The following DDT variants were observed in gnomAD, a reference collection of about 807,000 sequenced individuals.
DDT encodes D-dopachrome tautomerase.
A neutral mutation model predicts 2.5 loss-of-function variants in DDT; 4 were observed. The ratio of observed to expected loss-of-function variants is 1.59; its 90% CI spans 0.78 to 3.63. The LOEUF (loss-of-function observed/expected upper bound fraction) is 3.63. Among genes scored for constraint, DDT ranks in the 30% most tolerant of loss-of-function variants. DDT has a pLI of 0.01. For synonymous variants in DDT, 11 were observed against 10.0 expected (o/e 1.10, Z -0.19); for missense variants, 32 against 30.0 (o/e 1.07, Z -0.15).
rs1273274220 is a variant in DDT, at chr22:23,972,293, A to G, written c.285-670T>C. 4.0e-5 allele frequency: 35 copies of G among 864,538 alleles called. No homozygotes were observed. In the East Asian group the frequency reaches 1.7e-3, roughly 41 times the overall value. The allele number at this position is 864,538 out of a possible 1,614,324, so 53.6% of individuals were successfully genotyped here. On this transcript the variant is annotated intron_variant, in intron 2 of 2. Coordinates refer to ENST00000398344, the MANE Select transcript of DDT (RefSeq NM_001084392.3). ...AGAGGACCTAGCACATGGTAAGTGT[A>G]TAACACTTGTTGTTAGAGTAACAGT...
rs777428080 is a variant in DDT, at chr22:23,971,404, T to C, written c.*147A>G. 3 of 1,613,296 alleles carry C rather than the reference T, an allele frequency of 1.9e-6. No homozygotes were observed. The highest frequency in any genetic ancestry group is 3.3e-5 in the Admixed American group (2 of 59,864). ...GGAAGCTCTCTTCATTTATTTCATA[T>C]GAGGATGAAGAAGAGGATTATGTGA... On this transcript the variant is annotated 3_prime_UTR_variant, in exon 3 of 3. Transcript: ENST00000398344.
chr22:23,972,519 G>T (rs1247713854), intron 2 of DDT: 1 of 255,490 alleles, frequency 3.9e-6, no homozygotes, highest in Non-Finnish European at 6.5e-6. Context: ...TATTGTTTAG[G>T]GAATAATGAC....
At chr22:23,971,907 G>C (rs1226689378) in intron 2 of DDT, 4 of 352,886 alleles carry the variant, frequency 1.1e-5, no homozygotes, top group Non-Finnish European at 2.0e-5. Flanking sequence ...CCATCAGTTT[G>C]TGTACTGAGG....
chr22:23,971,441 T>C lies in DDT; in HGVS notation c.*110A>G, dbSNP rs2033899309. On this transcript the variant is annotated 3_prime_UTR_variant, in exon 3 of 3. Coordinates refer to ENST00000398344, the MANE Select transcript of DDT (RefSeq NM_001084392.3). ...AGAGGATTATGTGATCACAGGAATG[T>C]TGCATGCGGGATAATCCAAAGCTGG... is the stretch of plus-strand genomic sequence containing the variant. 2 of 1,609,804 alleles carry C rather than the reference T, an allele frequency of 1.2e-6. No individual in the cohort carries two copies. Among genetic ancestry groups the C allele is most frequent in the Non-Finnish European group, 1.7e-6 (2 of 1,177,258 alleles).
At chr22:23,975,164 CG>C (rs2033940833), upstream of DDT, among the ~76,000 whole-genome samples, 1 of 151,446 alleles carries the variant, frequency 6.6e-6, no homozygotes, top group African/African-American at 2.4e-5. Context: ...TCCAGGCGGG[CG>C]GATCACCTGA....
Position 23,971,410 on chromosome 22 carries a change from TGAA to T in DDT, c.*138_*140del, listed in dbSNP as rs770732011. 1.1e-5 allele frequency: 18 copies of T among 1,612,964 alleles called. No homozygotes were observed. Among genetic ancestry groups the T allele is most frequent in the Non-Finnish European group, 1.4e-5 (17 of 1,179,486 alleles). On this transcript the variant is annotated 3_prime_UTR_variant, in exon 3 of 3. Coordinates refer to ENST00000398344, the MANE Select transcript of DDT (RefSeq NM_001084392.3). ...TCTCTTCATTTATTTCATATGAGGA[TGAA>T]GAAGAGGATTATGTGATCACAGGAA... is the stretch of plus-strand genomic sequence containing the variant.
At chr22:23,972,681 AC>A in intron 2 of DDT, 6 of 912,274 alleles carry the variant, frequency 6.6e-6, no homozygotes, top group Non-Finnish European at 7.8e-6. Flanking sequence ...TTGAGGGAGG[AC>A]CCAGCAGGAT....
Position 23,971,498 on chromosome 22 carries a change from C to A in DDT, c.*53G>T. On this transcript the variant is annotated 3_prime_UTR_variant, in exon 3 of 3. Transcript: ENST00000398344. ...CCAGGCCCTCACTCTGCCAAGAGAT[C>A]TCTCTGGAAGAAGCAGCCAGTTCAC... is the stretch of plus-strand genomic sequence containing the variant. 3 of 1,609,872 alleles carry A rather than the reference C, an allele frequency of 1.9e-6. No homozygotes were observed. The highest frequency in any genetic ancestry group is 2.5e-6 in the Non-Finnish European group (3 of 1,177,178).
chr22:23,971,373 G>A lies in DDT; in HGVS notation c.*178C>T, dbSNP rs780522491. On this transcript the variant is annotated 3_prime_UTR_variant, in exon 3 of 3. Coordinates refer to ENST00000398344, the MANE Select transcript of DDT (RefSeq NM_001084392.3). ...TAATAGAAGGTAAGAAGTCATGTTT[G>A]AATGAGGAAGCTCTCTTCATTTATT... 3.1e-6 allele frequency: 5 copies of A among 1,613,978 alleles called. No individual in the cohort carries two copies. The highest frequency in any genetic ancestry group is 2.7e-5 in the African/African-American group (2 of 74,932).
At chr22:23,972,068 AG>A in intron 2 of DDT, 6 of 645,112 alleles carry the variant, frequency 9.3e-6, no homozygotes, top group Non-Finnish European at 1.2e-5. Context: ...CAGAGGTAAC[AG>A]CAAGTTTCCA....
chr22:23,972,667 T>G, intron 2 of DDT: 1 of 780,338 alleles, frequency 1.3e-6, no homozygotes, highest in Non-Finnish European at 1.6e-6. Context: ...TATTCCTCTG[T>G]AGCTTGAGGG....
rs1382509356 is a variant in DDT, at chr22:23,971,393, T to C, written c.*158A>G. The C allele has an allele frequency of 6.2e-7, 1 of 1,613,782 alleles. No homozygotes were observed. The highest frequency in any genetic ancestry group is 1.1e-5 in the South Asian group (1 of 91,048). On this transcript the variant is annotated 3_prime_UTR_variant, in exon 3 of 3. Coordinates refer to ENST00000398344, the MANE Select transcript of DDT (RefSeq NM_001084392.3). ...TGTTTGAATGAGGAAGCTCTCTTCATTTATTTCATATGAGGATGAAGAAGA... is the reference window on the plus strand; with the variant it reads ...TGTTTGAATGAGGAAGCTCTCTTCACTTATTTCATATGAGGATGAAGAAGA...
chr22:23,972,596 C>T (rs2033928444), intron 2 of DDT: 2 of 1,041,544 alleles, frequency 1.9e-6, no homozygotes, highest in African/African-American at 3.4e-5. Flanking sequence ...TCTAATATTT[C>T]AATCCATGGT....
At position 23,971,386 on chromosome 22, in the gene DDT, C is replaced by T. The variant is rs1385875890; in HGVS notation, c.*165G>A. The T allele has an allele frequency of 6.2e-7, 1 of 1,613,872 alleles. No individual in the cohort carries two copies. Among genetic ancestry groups the T allele is most frequent in the East Asian group, 2.2e-5 (1 of 44,880 alleles). ...GAAGTCATGTTTGAATGAGGAAGCT[C>T]TCTTCATTTATTTCATATGAGGATG... On this transcript the variant is annotated 3_prime_UTR_variant, in exon 3 of 3. Transcript: ENST00000398344.
chr22:23,972,568 A>G, intron 2 of DDT: 2 of 1,052,454 alleles, frequency 1.9e-6, no homozygotes, highest in African/African-American at 3.4e-5. Context: ...TATAGATGCA[A>G]TTATCAATTT....
At position 23,971,423 on chromosome 22, in the gene DDT, T is replaced by C. The variant is rs2033898572; in HGVS notation, c.*128A>G. On this transcript the variant is annotated 3_prime_UTR_variant, in exon 3 of 3. Transcript: ENST00000398344. ...TTCATATGAGGATGAAGAAGAGGATTATGTGATCACAGGAATGTTGCATGC... is the reference window on the plus strand; with the variant it reads ...TTCATATGAGGATGAAGAAGAGGATCATGTGATCACAGGAATGTTGCATGC... 1 of 1,612,054 alleles carries C rather than the reference T, an allele frequency of 6.2e-7. No individual in the cohort carries two copies. The highest frequency in any genetic ancestry group is 8.5e-7 in the Non-Finnish European group (1 of 1,178,838).
In DDT at chr22:23,971,585, A is replaced by G. The variant is rs754046320; in HGVS notation, c.323T>C (p.Ile108Thr). Residue 108 changes from isoleucine (I) to threonine (T), a missense_variant, in exon 3 of 3, where the codon ATT becomes ACT. Ile to Thr is a moderately conservative substitution (Grantham distance 89). Coordinates refer to ENST00000398344, the MANE Select transcript of DDT (RefSeq NM_001084392.3). ...IRFFPLESWQ[I>T]GKIGTVMTFL ...AGTCATGACCGTCCCTATCTTGCCA[A>G]TCTGCCAGGACTCCAAGGGGAAAAA... The G allele has an allele frequency of 8.4e-5, 135 of 1,614,138 alleles. No individual in the cohort carries two copies. Among genetic ancestry groups the G allele is most frequent in the Middle Eastern group, 1.6e-4 (1 of 6,062 alleles).
chr22:23,972,101 G>A, intron 2 of DDT: 8 of 915,520 alleles, frequency 8.7e-6, no homozygotes, highest in Non-Finnish European at 1.0e-5. Flanking sequence ...CAGAACTTGG[G>A]ACAGCCTGGT....
chr22:23,971,436 G>C lies in DDT; in HGVS notation c.*115C>G, dbSNP rs1206105376. The C allele has an allele frequency of 6.2e-7, 1 of 1,610,412 alleles. No homozygotes were observed. The highest frequency in any genetic ancestry group is 2.2e-5 in the East Asian group (1 of 44,840). The stretch of plus-strand genomic sequence containing the variant: ...GAAGAAGAGGATTATGTGATCACAG[G>C]AATGTTGCATGCGGGATAATCCAAA... On this transcript the variant is annotated 3_prime_UTR_variant, in exon 3 of 3. Transcript: ENST00000398344.
Sources: gnomAD v4.1 joint callset for allele counts (sites outside exome capture counted in the v4.1 genomes callset) on GRCh38, gnomAD v4.1.1 for gene constraint, MANE v1.5 for transcripts, NCBI Gene and HGNC (gene_info 2026-07-23, HGNC 2026-07-21) for gene names.